PRRX1: variants seen among roughly 807,000 people sequenced by gnomAD.
PRRX1 encodes paired mesoderm homeobox protein 1.
PRRX1 carries 8 observed loss-of-function variants against 24.0 expected under a neutral mutation model. That is an observed-to-expected ratio of 0.33 (90% CI 0.20 to 0.60). PRRX1 has a LOEUF of 0.60. Among genes scored for constraint, PRRX1 ranks in the 20% least tolerant of loss-of-function variants. PRRX1 has a pLI of 0.82. For missense variants in PRRX1, 281 were observed against 322.4 expected (o/e 0.87, Z 0.98); for synonymous variants, 160 against 131.7 (o/e 1.22, Z -1.47).
chr1:170,675,440 T>C (rs1404768473), intron 1 of PRRX1, among the ~76,000 whole-genome samples: 1 of 152,184 alleles, frequency 6.6e-6, no homozygotes, highest in Non-Finnish European at 1.5e-5. Flanking sequence ...TCTTGGTCCC[T>C]GAATCTTGAA....
At chr1:170,695,507 A>G (rs1393148637) in intron 1 of PRRX1, among the ~76,000 whole-genome samples, 1 of 152,190 alleles carries the variant, frequency 6.6e-6, no homozygotes, top group Non-Finnish European at 1.5e-5. Context: ...AGGGGTAGAA[A>G]GGCTATTCTT....
At chr1:170,664,663 C>G (rs1652852341) in intron 1 of PRRX1, among the ~76,000 whole-genome samples, 1 of 152,226 alleles carries the variant, frequency 6.6e-6, no homozygotes, top group African/African-American at 2.4e-5. Flanking sequence ...CCAAGGAGGA[C>G]GCTGGAGAGA....
intron 1 of PRRX1, chr1:170,669,425 C>T (rs77256656): frequency 4.5e-5 from 1 of 22,304 alleles, no homozygotes; most frequent in East Asian, 1.3e-3. Flanking sequence ...CTCCCCACTG[C>T]AAAAAAAAAA....
intron 2 of PRRX1, among the ~76,000 whole-genome samples, chr1:170,722,113 T>C (rs1655105459): frequency 6.6e-6 from 1 of 152,194 alleles, no homozygotes; most frequent in Non-Finnish European, 1.5e-5. Context: ...TAATGACTTT[T>C]AGAGTAGTGA....
intron 1 of PRRX1, among the ~76,000 whole-genome samples, chr1:170,672,171 T>A (rs1653165361): frequency 6.6e-6 from 1 of 152,108 alleles, no homozygotes; most frequent in South Asian, 2.1e-4. Flanking sequence ...GATCCTCCAT[T>A]TTTGGGCAAG....
chr1:170,723,109 A>G (rs1054359566), intron 2 of PRRX1, among the ~76,000 whole-genome samples: 13 of 152,200 alleles, frequency 8.5e-5, no homozygotes, highest in African/African-American at 2.9e-4. Context: ...AAACGAGGCA[A>G]TAAGGTGATT....
chr1:170,712,733 C>A (rs923714215), intron 1 of PRRX1, among the ~76,000 whole-genome samples: 1 of 152,162 alleles, frequency 6.6e-6, no homozygotes, highest in Non-Finnish European at 1.5e-5. Context: ...GAGGCTCAGA[C>A]AAGTGAAACA....
chr1:170,688,344 T>C (rs986592710), intron 1 of PRRX1, among the ~76,000 whole-genome samples: 1 of 152,134 alleles, frequency 6.6e-6, no homozygotes, highest in African/African-American at 2.4e-5. Context: ...GGTATCTATT[T>C]TTTTTCTATT....
At chr1:170,682,810 A>G (rs1653600061) in intron 1 of PRRX1, among the ~76,000 whole-genome samples, 1 of 152,262 alleles carries the variant, frequency 6.6e-6, no homozygotes, top group African/African-American at 2.4e-5. Flanking sequence ...GTGATTAGTA[A>G]GTTTTATGAA....
chr1:170,669,779 G>A (rs1653083951), intron 1 of PRRX1, among the ~76,000 whole-genome samples: 1 of 152,076 alleles, frequency 6.6e-6, no homozygotes, highest in South Asian at 2.1e-4. Flanking sequence ...CCCCCGGCGC[G>A]CCTCCAGTTC....
chr1:170,735,250 A>G (rs1359789037), intron 3 of PRRX1, among the ~76,000 whole-genome samples: 1 of 152,196 alleles, frequency 6.6e-6, no homozygotes, highest in East Asian at 1.9e-4. Context: ...AATCTATGAC[A>G]ATGAAAAACA....
intron 1 of PRRX1, among the ~76,000 whole-genome samples, chr1:170,714,517 G>A (rs1654845209): frequency 6.6e-6 from 1 of 151,988 alleles, no homozygotes; most frequent in African/African-American, 2.4e-5. Flanking sequence ...ATGTGACCCA[G>A]GCATAGGAAA....
intron 1 of PRRX1, among the ~76,000 whole-genome samples, chr1:170,684,775 A>G (rs564764851): frequency 6.6e-6 from 1 of 152,298 alleles, no homozygotes; most frequent in East Asian, 1.9e-4. Flanking sequence ...AAAGATTTGG[A>G]ACTCAGATAC....
chr1:170,734,806 T>C (rs1430220249), intron 3 of PRRX1, among the ~76,000 whole-genome samples: 1 of 152,202 alleles, frequency 6.6e-6, no homozygotes, highest in Non-Finnish European at 1.5e-5. Context: ...TATTAGTAAC[T>C]GAGCTGAAAT....
intron 1 of PRRX1, among the ~76,000 whole-genome samples, chr1:170,703,110 A>T (rs1654446477): frequency 6.6e-6 from 1 of 152,234 alleles, no homozygotes; most frequent in Non-Finnish European, 1.5e-5. Context: ...CTGTCTATCT[A>T]ATTTAATTTC....
chr1:170,708,597 CA>C (rs1654647349), intron 1 of PRRX1, among the ~76,000 whole-genome samples: 1 of 152,116 alleles, frequency 6.6e-6, no homozygotes. Context: ...ATAACTGTAT[CA>C]GGTCAAGCCT....
intron 3 of PRRX1, among the ~76,000 whole-genome samples, chr1:170,733,338 G>C (rs893191738): frequency 1.3e-5 from 2 of 151,966 alleles, no homozygotes; most frequent in South Asian, 2.1e-4. Flanking sequence ...CTCCCTTTTT[G>C]GCTAAAGAGA....
chr1:170,665,005 G>T (rs557105396), intron 1 of PRRX1, among the ~76,000 whole-genome samples: 10 of 152,364 alleles, frequency 6.6e-5, no homozygotes, highest in Middle Eastern at 3.4e-3. Flanking sequence ...GGGCGCGACC[G>T]GGAGGCCCCG....
At chr1:170,686,191 A>C (rs1441961168) in intron 1 of PRRX1, among the ~76,000 whole-genome samples, 4 of 152,032 alleles carry the variant, frequency 2.6e-5, no homozygotes, top group East Asian at 1.9e-4. Flanking sequence ...AAAAAAAAAA[A>C]AAAACAAGTT....
Sources: allele counts gnomAD v4.1 joint callset (sites outside exome capture counted in the v4.1 genomes callset), GRCh38; gene constraint gnomAD v4.1.1; transcripts MANE v1.5; gene names NCBI Gene and HGNC (gene_info 2026-07-23, HGNC 2026-07-21).